Variants in ABLIM2 observed in about 807,000 individuals in gnomAD.
ABLIM2 encodes the protein actin binding LIM protein family member 2, also known as actin-binding LIM protein 2.
ABLIM2 carries 53 observed loss-of-function variants against 97.7 expected under a neutral mutation model. That is an observed-to-expected ratio of 0.54 (90% CI 0.44 to 0.68). ABLIM2 has a LOEUF of 0.68. Among genes scored for constraint, ABLIM2 ranks in the 30% least tolerant of loss-of-function variants. The pLI, the probability that ABLIM2 is intolerant of heterozygous loss-of-function variation, is 0.00. For synonymous variants in ABLIM2, 361 were observed against 345.8 expected, an observed-to-expected ratio of 1.04 and a Z score of -0.49; for missense variants, 835 against 867.2, an observed-to-expected ratio of 0.96 and a Z score of 0.47.
rs992624784 is a variant in ABLIM2, at chr4:8,140,069, G to A, written c.10+18611C>T. 1.5e-5 allele frequency among the ~76,000 whole-genome samples: 2 copies of A among 135,534 alleles called. No individual in the cohort carries two copies. The highest frequency in any genetic ancestry group is 5.5e-5 in the African/African-American group (2 of 36,630). The allele number at this position is 135,534 out of a possible 152,430, so 88.9% of individuals were successfully genotyped here. On this transcript the variant is annotated intron_variant, in intron 1 of 20. Coordinates refer to ENST00000447017, the MANE Select transcript of ABLIM2 (RefSeq NM_001130083.2). This position sits in a 1 kb window ranked among gnomAD's most constrained non-coding sequence, Gnocchi z 5.9. The stretch of plus-strand genomic sequence containing the variant: ...CTGAACAGTGAGAACACATGGAAAC[G>A]GGGAGACGAACAACACACACTAGGG...
chr4:7,990,719 A>G (rs1748033822), intron 17 of ABLIM2, among the ~76,000 whole-genome samples: 1 of 152,188 alleles, frequency 6.6e-6, no homozygotes, highest in African/African-American at 2.4e-5. Flanking sequence ...CTCCCAGGGC[A>G]TCTCCAGGGG....
chr4:8,110,037 G>A lies in ABLIM2; in HGVS notation c.11-3400C>T, dbSNP rs557886966. On this transcript the variant is annotated intron_variant, in intron 1 of 20. Coordinates refer to ENST00000447017, the MANE Select transcript of ABLIM2 (RefSeq NM_001130083.2). ...TCTGGGCTGGAATCGAAGCCTCCCA[G>A]TGCAGAACGAGGATTAGAATTGTGG... 7.9e-5 allele frequency among the ~76,000 whole-genome samples: 12 copies of A among 152,346 alleles called. No homozygotes were observed. The South Asian group carries it at 2.1e-3, about 26-fold the overall frequency.
rs982096312 is a variant in ABLIM2, at chr4:8,054,396, G to A, written c.764-150C>T. 5 of 817,316 alleles carry A rather than the reference G, an allele frequency of 6.1e-6. No homozygotes were observed. In the African/African-American group the frequency reaches 6.7e-5, roughly 11 times the overall value. The allele number at this position is 817,316 out of a possible 1,614,324, so 50.6% of individuals were successfully genotyped here. A position where few individuals can be genotyped will look rare whatever the true frequency, so the allele number is the denominator to read the frequency against. ...CGGCCCTGAGCATCCTCTCTGTGCTGGAGTTAGTGCCGGGCAGGGGGTACC... is the reference window on the plus strand; with the variant it reads ...CGGCCCTGAGCATCCTCTCTGTGCTAGAGTTAGTGCCGGGCAGGGGGTACC... On this transcript the variant is annotated intron_variant, in intron 7 of 20. Coordinates refer to ENST00000447017, the MANE Select transcript of ABLIM2 (RefSeq NM_001130083.2). The surrounding 1 kb of genome is among the most constrained non-coding windows in gnomAD (Gnocchi z 4.9).
intron 6 of ABLIM2, among the ~76,000 whole-genome samples, chr4:8,073,681 A>G (rs1813911312): frequency 6.6e-6 from 1 of 152,254 alleles, no homozygotes; most frequent in Non-Finnish European, 1.5e-5. Flanking sequence ...TAGGACAGAC[A>G]GAACATCTGC....
rs1273073802 is a variant in ABLIM2 at position 8,130,224 on chromosome 4, G to A, written c.11-23587C>T. On this transcript the variant is annotated intron_variant, in intron 1 of 20. Transcript: ENST00000447017. The surrounding 1 kb of genome is among the most constrained non-coding windows in gnomAD (Gnocchi z 4.2). ...GGCTCACAGGGCCAGGGATGGAGAC[G>A]CAGGGTGGCCAGGGTGGTGCTGGAT... Among the ~76,000 whole-genome samples, 1 of 152,252 alleles carries A rather than the reference G, an allele frequency of 6.6e-6. No individual in the cohort carries two copies. The highest frequency in any genetic ancestry group is 6.5e-5 in the Admixed American group (1 of 15,290).
intron 10 of ABLIM2, among the ~76,000 whole-genome samples, chr4:8,031,386 C>T (rs1268309365): frequency 1.3e-5 from 2 of 152,214 alleles, no homozygotes; most frequent in African/African-American, 4.8e-5. Context: ...CTCAGGGGTT[C>T]CCTGTGCAGG....
At chr4:7,994,269 C>G (rs1751495330) in intron 16 of ABLIM2, among the ~76,000 whole-genome samples, 1 of 27,080 alleles carries the variant, frequency 3.7e-5, no homozygotes, top group African/African-American at 9.1e-5. Flanking sequence ...CCACCACAGT[C>G]CCCAGAGTGT....
rs909538371 is a variant in ABLIM2 at position 8,123,819 on chromosome 4, C to A, written c.11-17182G>T. Among the ~76,000 whole-genome samples the A allele has an allele frequency of 6.6e-6, 1 of 152,138 alleles. No homozygotes were observed. Among genetic ancestry groups the A allele is most frequent in the African/African-American group, 2.4e-5 (1 of 41,420 alleles). Reference sequence around the variant, plus strand: ...AAGGTCCTGGCTCCACCCGGACAGGCCAAGAGGAGGGGCAGGAGGTGGCAC... The same window carrying A: ...AAGGTCCTGGCTCCACCCGGACAGGACAAGAGGAGGGGCAGGAGGTGGCAC... On this transcript the variant is annotated intron_variant, in intron 1 of 20. Coordinates refer to ENST00000447017, the MANE Select transcript of ABLIM2 (RefSeq NM_001130083.2). This position sits in a 1 kb window ranked among gnomAD's most constrained non-coding sequence, Gnocchi z 6.2.
chr4:8,102,968 C>T (rs752112240), intron 2 of ABLIM2, among the ~76,000 whole-genome samples: 6 of 152,168 alleles, frequency 3.9e-5, no homozygotes, highest in African/African-American at 9.7e-5. Flanking sequence ...GAGGGTTATG[C>T]GAGGAGACAG....
At chr4:8,126,892 C>T (rs1422991442) in intron 1 of ABLIM2, among the ~76,000 whole-genome samples, 1 of 151,938 alleles carries the variant, frequency 6.6e-6, no homozygotes, top group Non-Finnish European at 1.5e-5. Flanking sequence ...AAAGTGAGAC[C>T]CCGTCTCTAC....
chr4:8,145,928 A>C (rs971637352), intron 1 of ABLIM2, among the ~76,000 whole-genome samples: 1 of 151,680 alleles, frequency 6.6e-6, no homozygotes, highest in Admixed American at 6.6e-5. Context: ...TTCCTAATGG[A>C]GTGTCCTTGA....
At position 8,068,137 on chromosome 4, in the gene ABLIM2, C is replaced by A. The variant is rs573017227; in HGVS notation, c.676-7083G>T. Among the ~76,000 whole-genome samples the A allele has an allele frequency of 2.4e-4, 37 of 152,288 alleles. No individual in the cohort carries two copies. The highest frequency in any genetic ancestry group is 8.9e-4 in the African/African-American group (37 of 41,566). ...CCTCCCAATTGCCACCCGAGGAGTG[C>A]CTGAAACCTCGGCCGCTGGTTGTTC... On this transcript the variant is annotated intron_variant, in intron 6 of 20. Coordinates refer to ENST00000447017, the MANE Select transcript of ABLIM2 (RefSeq NM_001130083.2). The surrounding 1 kb of genome is among the most constrained non-coding windows in gnomAD (Gnocchi z 4.5).
intron 1 of ABLIM2, among the ~76,000 whole-genome samples, chr4:8,139,290 AAAG>A (rs879422384): frequency 4.6e-5 from 7 of 152,108 alleles, no homozygotes; most frequent in Admixed American, 4.6e-4. Context: ...GAAAAAAAGA[AAAG>A]AAACTATTAT....
chr4:8,108,393 G>T (rs1475587886), intron 1 of ABLIM2, among the ~76,000 whole-genome samples: 1 of 152,196 alleles, frequency 6.6e-6, no homozygotes, highest in East Asian at 1.9e-4. Flanking sequence ...GACAATGGCC[G>T]GGCCCAGAGA....
intron 1 of ABLIM2, among the ~76,000 whole-genome samples, chr4:8,157,758 G>A (rs889230905): frequency 6.6e-6 from 1 of 152,282 alleles, no homozygotes; most frequent in African/African-American, 2.4e-5. Flanking sequence ...ACAAGAGTCA[G>A]TGAGCCCGGG....
Position 7,969,326 on chromosome 4 carries a change from T to C in ABLIM2, c.1825-2223A>G, listed in dbSNP as rs569085850. ...AAAATTAGCTGGGTGCGCTGGCGTGTACCTGTAGTCCCAGTTACTGAGGAG... is the reference window on the plus strand; with the variant it reads ...AAAATTAGCTGGGTGCGCTGGCGTGCACCTGTAGTCCCAGTTACTGAGGAG... On this transcript the variant is annotated intron_variant, in intron 20 of 20. Coordinates refer to ENST00000447017, the MANE Select transcript of ABLIM2 (RefSeq NM_001130083.2). Among the ~76,000 whole-genome samples, 4 of 151,946 alleles carry C rather than the reference T, an allele frequency of 2.6e-5. No homozygotes were observed. In the East Asian group the frequency reaches 7.8e-4, roughly 30 times the overall value.
intron 8 of ABLIM2, among the ~76,000 whole-genome samples, chr4:8,051,803 A>G (rs1223774144): frequency 6.6e-6 from 1 of 152,116 alleles, no homozygotes; most frequent in Non-Finnish European, 1.5e-5. Context: ...ATGTATGTGG[A>G]ACATCAGGGC....
intron 20 of ABLIM2, among the ~76,000 whole-genome samples, chr4:7,976,265 C>T (rs546650139): frequency 9.2e-5 from 14 of 152,290 alleles, no homozygotes; most frequent in Admixed American, 3.3e-4. Flanking sequence ...CACCAAGTTC[C>T]GCCCCTTCGA....
At chr4:8,007,741 G>A (rs542924453) in intron 16 of ABLIM2, 98 of 1,104,244 alleles carry the variant, frequency 8.9e-5, no homozygotes, top group African/African-American at 5.9e-4. Context: ...ACTTCCACCC[G>A]GCAGCCCGGA....
Sources: gnomAD v4.1 joint callset for allele counts (sites outside exome capture counted in the v4.1 genomes callset) on GRCh38, gnomAD v4.1.1 for gene constraint, Gnocchi (gnomAD v3.1) non-coding constraint, MANE v1.5 for transcripts, NCBI Gene and HGNC (gene_info 2026-07-23, HGNC 2026-07-21) for gene names.